Variants in KHSRP observed in about 807,000 individuals in gnomAD.
The protein encoded by KHSRP is far upstream element-binding protein 2.
A neutral mutation model predicts 94.9 loss-of-function variants in KHSRP; 13 were observed. The observed-to-expected ratio is 0.14, with a 90% CI of 0.09 to 0.22. The LOEUF is 0.22. Among genes scored for constraint, KHSRP ranks in the 10% least tolerant of loss-of-function variants. KHSRP has a pLI of 1.00. For synonymous variants in KHSRP, 495 were observed against 401.4 expected (o/e 1.23, Z -2.79); for missense variants, 710 against 1,010.0 (o/e 0.70, Z 4.03).
rs750536697 is a variant in KHSRP at position 6,413,504 on chromosome 19, C to T, written c.*1520G>A. 1.5e-4 allele frequency: 25 copies of T among 169,370 alleles called. No individual in the cohort carries two copies. Among genetic ancestry groups the T allele is most frequent in the Admixed American group, 1.2e-4 (2 of 16,520 alleles). The allele number at this position is 169,370 out of a possible 1,614,324, so 10.5% of individuals were successfully genotyped here. ...GACCAGTCCTGGGAGGGGGGACGGG[C>T]GGGGCCGCGGGAGCTGAGCCAGGGC... On this transcript the variant is annotated 3_prime_UTR_variant, in exon 19 of 19. Coordinates refer to ENST00000600480, the MANE Select transcript of KHSRP (RefSeq NM_001366299.1).
At chr19:6,423,960 A>G (rs2092211603) in intron 1 of KHSRP, among the ~76,000 whole-genome samples, 1 of 152,184 alleles carries the variant, frequency 6.6e-6, no homozygotes, top group Non-Finnish European at 1.5e-5. Flanking sequence ...GCTCAGCCCT[A>G]GACAGGTCCC....
chr19:6,424,446 T>G lies in KHSRP; in HGVS notation c.249+7A>C. 1.0e-6 allele frequency: 1 copy of G among 983,456 alleles called. No individual in the cohort carries two copies. The highest frequency in any genetic ancestry group is 1.2e-6 in the Non-Finnish European group (1 of 831,650). The allele number at this position is 983,456 out of a possible 1,614,324, so 60.9% of individuals were successfully genotyped here. On this transcript the variant is annotated splice_region_variant and intron_variant, in intron 1 of 18. Transcript: ENST00000600480. Reference sequence around the variant, plus strand: ...GAGCGCGCCCCTCAGGCCCTCGGCCTCCTCACCTGGCGGGCCCGCTGCACG... The same window carrying G: ...GAGCGCGCCCCTCAGGCCCTCGGCCGCCTCACCTGGCGGGCCCGCTGCACG...
intron 11 of KHSRP, 41 bp from the exon 12 acceptor site, chr19:6,417,128 G>C: frequency 6.6e-7 from 1 of 1,523,546 alleles, no homozygotes. Context: ...AAGTTTAAAA[G>C]AAGAGCCCAC....
At chr19:6,422,249 C>T in intron 2 of KHSRP, 91 bp downstream of exon 2, 1 of 797,658 alleles carries the variant, frequency 1.3e-6, no homozygotes. Flanking sequence ...ACAACAGTGA[C>T]ACCCACCCCC....
intron 11 of KHSRP, among the ~76,000 whole-genome samples, 193 bp downstream of exon 11, chr19:6,417,546 C>G (rs1464639983): frequency 2.0e-5 from 3 of 152,126 alleles, no homozygotes; most frequent in African/African-American, 7.2e-5. Flanking sequence ...ACACGTTCCC[C>G]CTGGATGTGG....
At chr19:6,419,161 C>T (rs200811781) in intron 7 of KHSRP, 42 bp downstream of exon 7, 8 of 1,540,342 alleles carry the variant, frequency 5.2e-6, no homozygotes, top group East Asian at 2.4e-5. Context: ...CAGGCTTCTG[C>T]CTGCCCCCCA....
intron 13 of KHSRP, 33 bp from the exon 14 acceptor site, chr19:6,416,683 A>T: frequency 1.9e-6 from 3 of 1,613,430 alleles, no homozygotes; most frequent in Non-Finnish European, 2.5e-6. Flanking sequence ...GGTGGCCTGC[A>T]GTGATGGCCC....
Position 6,415,638 on chromosome 19 carries a change from G to GCGGGGCCGGGGA in KHSRP, c.1772_1783dup (p.Val591_Pro594dup). 6.5e-7 allele frequency: 1 copy of GCGGGGCCGGGGA among 1,532,318 alleles called. No individual in the cohort carries two copies. The highest frequency in any genetic ancestry group is 1.2e-5 in the South Asian group (1 of 81,984). The allele number at this position is 1,532,318 out of a possible 1,614,324, so 94.9% of individuals were successfully genotyped here. A position where few individuals can be genotyped will look rare whatever the true frequency, so the allele number is the denominator to read the frequency against. ...AGCCGGTGGGGCCGCAGGGGCCGGT[G>GCGGGGCCGGGGA]CGGGGCCGGGGACGGGGCCCGGGGG... On this transcript the variant is annotated inframe_insertion, in exon 17 of 19. Coordinates refer to ENST00000600480, the MANE Select transcript of KHSRP (RefSeq NM_001366299.1).
Position 6,414,593 on chromosome 19 carries a change from C to T in KHSRP, c.*431G>A. 2.0e-6 allele frequency: 2 copies of T among 1,018,066 alleles called. No individual in the cohort carries two copies. Among genetic ancestry groups the T allele is most frequent in the Non-Finnish European group, 2.3e-6 (2 of 851,984 alleles). 63.1% of individuals were successfully genotyped at this position (1,018,066 alleles called of 1,614,324 possible). ...GAGGCTGAGCCCGGCGGGGCAGGGG[C>T]CTGGGCCGCTCCCCGCGTCCCCACC... is the stretch of plus-strand genomic sequence containing the variant. On this transcript the variant is annotated 3_prime_UTR_variant, in exon 19 of 19. Transcript: ENST00000600480.
intron 4 of KHSRP, chr19:6,420,889 G>A (rs1599243884): frequency 2.7e-6 from 1 of 371,858 alleles, no homozygotes; most frequent in East Asian, 5.3e-5. Context: ...CAAAGAGGTG[G>A]CAAAGAGCCC....
intron 3 of KHSRP, 38 bp downstream of exon 3, chr19:6,421,612 T>C (rs1019361974): frequency 5.0e-6 from 8 of 1,611,752 alleles, no homozygotes; most frequent in Non-Finnish European, 6.8e-6. Flanking sequence ...CTCAACCCTC[T>C]GAAGCCACAT....
chr19:6,424,787 G>C lies in KHSRP; in HGVS notation c.-86C>G, dbSNP rs540072588. On this transcript the variant is annotated 5_prime_UTR_variant, in exon 1 of 19. Coordinates refer to ENST00000600480, the MANE Select transcript of KHSRP (RefSeq NM_001366299.1). ...CGGCTCAACGCGGGAACAAGGCCTC[G>C]CTCCACACGGCCGCGGAGCACTCTG... is the stretch of plus-strand genomic sequence containing the variant. 13 of 413,366 alleles carry C rather than the reference G, an allele frequency of 3.1e-5. No individual in the cohort carries two copies. The highest frequency in any genetic ancestry group is 4.3e-5 in the Non-Finnish European group (13 of 304,754). 25.6% of individuals were successfully genotyped at this position (413,366 alleles called of 1,614,324 possible). A position where few individuals can be genotyped will look rare whatever the true frequency, so the allele number is the denominator to read the frequency against.
rs750720082 is a variant in KHSRP, at chr19:6,414,210, G to GT, written c.*813dup. ...GGAAGAGAGGAGGGGCTGGAACACC[G>GT]TGGGGGGGGCCAGGAAGCCCCCTCC... On this transcript the variant is annotated 3_prime_UTR_variant, in exon 19 of 19. Transcript: ENST00000600480. 6.6e-7 allele frequency: 1 copy of GT among 1,518,422 alleles called. No homozygotes were observed. The highest frequency in any genetic ancestry group is 8.8e-7 in the Non-Finnish European group (1 of 1,134,048). The allele number at this position is 1,518,422 out of a possible 1,614,324, so 94.1% of individuals were successfully genotyped here.
Position 6,414,370 on chromosome 19 carries a change from G to GAGGGCGGAGGCGCTAGGGTCGT in KHSRP, c.*632_*653dup. ...GCAGGAAGAGAGGAGAGGGGCCGCGGAGGGCGGAGGCGCTAGGGTCGTAGG... is the reference window on the plus strand; with the variant it reads ...GCAGGAAGAGAGGAGAGGGGCCGCGGAGGGCGGAGGCGCTAGGGTCGTAGGGCGGAGGCGCTAGGGTCGTAGG... On this transcript the variant is annotated 3_prime_UTR_variant, in exon 19 of 19. Coordinates refer to ENST00000600480, the MANE Select transcript of KHSRP (RefSeq NM_001366299.1). 7.4e-7 allele frequency: 1 copy of GAGGGCGGAGGCGCTAGGGTCGT among 1,350,986 alleles called. No individual in the cohort carries two copies. The highest frequency in any genetic ancestry group is 9.5e-7 in the Non-Finnish European group (1 of 1,049,382). 83.7% of individuals were successfully genotyped at this position (1,350,986 alleles called of 1,614,324 possible).
intron 2 of KHSRP, among the ~76,000 whole-genome samples, chr19:6,422,082 C>T (rs1032083343): frequency 6.6e-6 from 1 of 152,170 alleles, no homozygotes; most frequent in Non-Finnish European, 1.5e-5. Context: ...TCCAGGTTGC[C>T]TCAGCCTCCC....
intron 17 of KHSRP, 25 bp downstream of exon 17, chr19:6,415,509 C>CG (rs1389483954): frequency 6.5e-7 from 1 of 1,545,502 alleles, no homozygotes; most frequent in Non-Finnish European, 8.7e-7. Flanking sequence ...AGGGCTGGAG[C>CG]CCCCCCGCCA....
chr19:6,423,762 T>C (rs559399438), intron 1 of KHSRP, among the ~76,000 whole-genome samples: 7 of 152,226 alleles, frequency 4.6e-5, no homozygotes, highest in African/African-American at 1.7e-4. Flanking sequence ...CTCCAGGCCA[T>C]GGGGAGGCTG....
chr19:6,422,959 T>C (rs1220085259), intron 1 of KHSRP, among the ~76,000 whole-genome samples: 1 of 152,186 alleles, frequency 6.6e-6, no homozygotes, highest in Non-Finnish European at 1.5e-5. Context: ...TCAAGGGATA[T>C]GAAATCCTCA....
chr19:6,424,761 G>T lies in KHSRP; in HGVS notation c.-60C>A. 1 of 728,484 alleles carries T rather than the reference G, an allele frequency of 1.4e-6. No homozygotes were observed. The highest frequency in any genetic ancestry group is 1.7e-6 in the Non-Finnish European group (1 of 584,118). 45.1% of individuals were successfully genotyped at this position (728,484 alleles called of 1,614,324 possible). On this transcript the variant is annotated 5_prime_UTR_variant, in exon 1 of 19. Transcript: ENST00000600480. ...AGCTGAGGAGGCGGCGGCGGCGGCGGCGGCTCAACGCGGGAACAAGGCCTC... is the reference window on the plus strand; with the variant it reads ...AGCTGAGGAGGCGGCGGCGGCGGCGTCGGCTCAACGCGGGAACAAGGCCTC...
Sources: gnomAD v4.1 joint callset for allele counts (sites outside exome capture counted in the v4.1 genomes callset) on GRCh38, gnomAD v4.1.1 for gene constraint, MANE v1.5 for transcripts, NCBI Gene and HGNC (gene_info 2026-07-23, HGNC 2026-07-21) for gene names.